Variants in ADK observed in about 807,000 individuals in gnomAD.
ADK encodes the protein N6,N6-dimethyladenosine kinase.
Under a neutral mutation model 44.7 loss-of-function variants are expected in ADK, and 24 were observed. The ratio of observed to expected loss-of-function variants is 0.54; its 90% confidence interval spans 0.39 to 0.76. ADK has a LOEUF of 0.76. Among genes scored for constraint, ADK ranks in the 30% least tolerant of loss-of-function variants. The pLI is 0.00. For synonymous variants in ADK, 128 were observed against 142.6 expected (o/e 0.90, Z 0.73); for missense variants, 321 against 425.1 (o/e 0.76, Z 2.15).
In ADK at chr10:74,372,350, A is replaced by T. The variant is rs1842687245; in HGVS notation, c.274-21791A>T. ...ACTGGAGTGCTGAGCCTGCCACGGA[A>T]GGCTGGTCCACAGCTCCCAATGCTC... On this transcript the variant is annotated intron_variant, in intron 4 of 10. Coordinates refer to ENST00000539909, the MANE Select transcript of ADK (RefSeq NM_006721.4). 5 of 745,084 alleles carry T rather than the reference A, an allele frequency of 6.7e-6. No individual in the cohort carries two copies. In the Admixed American group the frequency reaches 6.9e-5, roughly 10 times the overall value. The allele number at this position is 745,084 out of a possible 1,614,324, so 46.2% of individuals were successfully genotyped here.
At chr10:74,475,029 G>A (rs1846773050) in intron 6 of ADK, among the ~76,000 whole-genome samples, 1 of 152,116 alleles carries the variant, frequency 6.6e-6, no homozygotes, top group Non-Finnish European at 1.5e-5. Flanking sequence ...GGAGGCTGAA[G>A]CAGGAGAATC....
intron 6 of ADK, among the ~76,000 whole-genome samples, chr10:74,498,118 T>C (rs928273662): frequency 6.6e-6 from 1 of 151,574 alleles, no homozygotes; most frequent in Admixed American, 6.6e-5. Context: ...GTTGATCTCC[T>C]GACCTCATGA....
intron 4 of ADK, among the ~76,000 whole-genome samples, chr10:74,349,308 C>T (rs1224123878): frequency 6.6e-6 from 1 of 152,132 alleles, no homozygotes; most frequent in African/African-American, 2.4e-5. Flanking sequence ...CATATCCAGC[C>T]AAACTAAGCT....
intron 6 of ADK, among the ~76,000 whole-genome samples, chr10:74,410,980 C>T (rs1844156031): frequency 6.6e-6 from 1 of 152,032 alleles, no homozygotes; most frequent in Admixed American, 6.6e-5. Context: ...CTTTTTCTCA[C>T]CTTTTATCAT....
At chr10:74,389,047 A>T (rs1266579492) in intron 4 of ADK, among the ~76,000 whole-genome samples, 9 of 152,168 alleles carry the variant, frequency 5.9e-5, no homozygotes, top group Admixed American at 5.9e-4. Context: ...CAGTCCTACC[A>T]TGCCTGTTAT....
chr10:74,342,779 T>TTGTGTGTGTGTGTGTGTGTGTGTGTG lies in ADK; in HGVS notation c.273+28046_273+28071dup, dbSNP rs757212421. On this transcript the variant is annotated intron_variant, in intron 4 of 10. Coordinates refer to ENST00000539909, the MANE Select transcript of ADK (RefSeq NM_006721.4). ...CATGAGCCGCTGTGCCTAGCTCAGT[T>TTGTGTGTGTGTGTGTGTGTGTGTGTG]TGTGTGTGTGTGTGTGTGTGTGTGT... 1.8e-3 allele frequency among the ~76,000 whole-genome samples: 260 copies of TTGTGTGTGTGTGTGTGTGTGTGTGTG among 141,386 alleles called. 2 individuals carry two copies. The highest frequency in any genetic ancestry group is 0.013 in the Admixed American group (180 of 13,954). 92.8% of individuals were successfully genotyped at this position (141,386 alleles called of 152,430 possible). A position where few individuals can be genotyped will look rare whatever the true frequency, so the allele number is the denominator to read the frequency against.
At chr10:74,503,948 G>A (rs774546994) in intron 6 of ADK, among the ~76,000 whole-genome samples, 1 of 152,070 alleles carries the variant, frequency 6.6e-6, no homozygotes, top group Non-Finnish European at 1.5e-5. Flanking sequence ...ATCCCACCCT[G>A]ATACACAGAT....
intron 2 of ADK, among the ~76,000 whole-genome samples, chr10:74,215,623 C>A (rs915057502): frequency 6.6e-6 from 1 of 150,854 alleles, no homozygotes; most frequent in Admixed American, 6.6e-5. Context: ...CTGCGCCCAG[C>A]TAATGATTTT....
At chr10:74,318,002 G>C (rs956294310) in intron 4 of ADK, among the ~76,000 whole-genome samples, 5 of 152,014 alleles carry the variant, frequency 3.3e-5, no homozygotes, top group African/African-American at 1.2e-4. Context: ...GGATGGTCTT[G>C]ATCTCTTGAC....
intron 7 of ADK, among the ~76,000 whole-genome samples, chr10:74,571,748 T>C (rs1167219081): frequency 6.6e-6 from 1 of 152,066 alleles, no homozygotes; most frequent in East Asian, 1.9e-4. Context: ...CCTGGATTCA[T>C]TAATTTTTTG....
intron 3 of ADK, among the ~76,000 whole-genome samples, chr10:74,301,513 CA>C (rs34310248): frequency 0.048 from 2,747 of 56,762 alleles, 38 homozygotes; most frequent in African/African-American, 0.13. Context: ...GACTCTGTCT[CA>C]AAAAAAAAAA....
chr10:74,343,614 T>C (rs1248876257), intron 4 of ADK, among the ~76,000 whole-genome samples: 1 of 152,124 alleles, frequency 6.6e-6, no homozygotes, highest in African/African-American at 2.4e-5. Flanking sequence ...GCTTTTTGTT[T>C]GTTTGTTTTT....
intron 1 of ADK, among the ~76,000 whole-genome samples, chr10:74,183,597 A>C (rs999157904): frequency 1.3e-5 from 2 of 149,966 alleles, no homozygotes; most frequent in African/African-American, 4.9e-5. Flanking sequence ...CGCAACCTCC[A>C]CTTCCCAGGT....
chr10:74,419,373 A>T (rs1182792906), intron 6 of ADK, among the ~76,000 whole-genome samples: 1 of 152,130 alleles, frequency 6.6e-6, no homozygotes, highest in Non-Finnish European at 1.5e-5. Context: ...GATAAAGCAT[A>T]TTACTAGAAA....
At position 74,190,528 on chromosome 10, in the gene ADK, C is replaced by T. The variant is rs1842922904; in HGVS notation, c.66-10236C>T. Among the ~76,000 whole-genome samples, 5 of 152,272 alleles carry T rather than the reference C, an allele frequency of 3.3e-5. No individual in the cohort carries two copies. In the South Asian group the frequency reaches 8.3e-4, roughly 25 times the overall value. ...TTTTCCTTTTGTGTTTTTTGGTTAGCTTGTTTGCCCCAGCTGCTTCAGGGA... is the reference window on the plus strand; with the variant it reads ...TTTTCCTTTTGTGTTTTTTGGTTAGTTTGTTTGCCCCAGCTGCTTCAGGGA... On this transcript the variant is annotated intron_variant, in intron 1 of 10. Transcript: ENST00000539909.
rs1454667889 is a variant in ADK at position 74,373,077 on chromosome 10, T to C, written c.274-21064T>C. Among the ~76,000 whole-genome samples, 4 of 151,806 alleles carry C rather than the reference T, an allele frequency of 2.6e-5. No homozygotes were observed. The East Asian group carries it at 7.7e-4, about 29-fold the overall frequency. ...TATAAGTGTGCCATGGCATAAAGAA[T>C]AGTCTTTTCAATGAAGGGTACTAGA... On this transcript the variant is annotated intron_variant, in intron 4 of 10. Transcript: ENST00000539909.
intron 9 of ADK, among the ~76,000 whole-genome samples, chr10:74,602,105 CAAA>C (rs58400071): frequency 1.2e-4 from 6 of 48,788 alleles, no homozygotes; most frequent in South Asian, 1.0e-3. Context: ...ACCCTGTCTC[CAAA>C]AAAAAAAAAA....
At chr10:74,634,504 T>C (rs980505635) in intron 9 of ADK, among the ~76,000 whole-genome samples, 1 of 150,914 alleles carries the variant, frequency 6.6e-6, no homozygotes, top group Non-Finnish European at 1.5e-5. Flanking sequence ...TGAGCCACCA[T>C]GCCCGGCTGG....
At chr10:74,303,588 G>GTTGTTTTTTTTTTTTTTTTTTTTT (rs1840139803) in intron 3 of ADK, among the ~76,000 whole-genome samples, 4 of 68,576 alleles carry the variant, frequency 5.8e-5, no homozygotes, top group African/African-American at 3.2e-4. Flanking sequence ...TTTTAATGTT[G>GTTGTTTTTTTTTTTTTTTTTTTTT]TTTTTTTTTT....
Sources: allele counts gnomAD v4.1 joint callset (sites outside exome capture counted in the v4.1 genomes callset), GRCh38; gene constraint gnomAD v4.1.1; transcripts MANE v1.5; gene names NCBI Gene and HGNC (gene_info 2026-07-23, HGNC 2026-07-21).